LTBP2: variants seen among roughly 807,000 people sequenced by gnomAD.
LTBP2 encodes latent transforming growth factor beta binding protein 2, also known as latent-transforming growth factor beta-binding protein 2.
In LTBP2, 103 loss-of-function variants were observed where a neutral mutation model predicts 210.6. That is an observed-to-expected ratio of 0.49 (90% confidence interval 0.42 to 0.58). The LOEUF (loss-of-function observed/expected upper bound fraction) is 0.58, where lower values mean the gene tolerates loss of function less well. Ranked by LOEUF, LTBP2 falls within the 20% of genes least tolerant of loss-of-function variation. LTBP2 has a pLI of 0.00. For synonymous variants in LTBP2, 1,007 were observed against 1,015.0 expected (o/e 0.99, Z 0.15); for missense variants, 2,313 against 2,494.5 (o/e 0.93, Z 1.55).
At chr14:74,506,256 A>G in intron 27 of LTBP2, 65 bp from the exon 28 acceptor site, 12 of 1,606,736 alleles carry the variant, frequency 7.5e-6, no homozygotes, top group Non-Finnish European at 9.4e-6. Context: ...GCCCCTGACT[A>G]CAGCCCACTG....
chr14:74,586,073 G>A lies in LTBP2; in HGVS notation c.611C>T (p.Pro204Leu), dbSNP rs1416981463. The stretch of plus-strand genomic sequence containing the variant: ...ACCAGAGCGGCAGACACAGAGCTGC[G>A]GGCGGCTGCAGGAGCCCCGGTTCTG... ...PCQNRGSCSR[P>L]QLCVCRSGFR... The change falls in exon 3 of 36, where the codon CCG (proline) becomes CTG (leucine). Residue 204 changes from proline (P) to leucine (L), a missense_variant. Coordinates refer to ENST00000261978, the MANE Select transcript of LTBP2 (RefSeq NM_000428.3). This position sits in a 1 kb window ranked among gnomAD's most constrained non-coding sequence, Gnocchi z 4.6. 1.2e-5 allele frequency: 20 copies of A among 1,600,504 alleles called. No homozygotes were observed. Among genetic ancestry groups the A allele is most frequent in the Middle Eastern group, 1.7e-4 (1 of 6,054 alleles).
At chr14:74,518,944 C>T (rs2087167831) in intron 17 of LTBP2, among the ~76,000 whole-genome samples, 1 of 152,164 alleles carries the variant, frequency 6.6e-6, no homozygotes, top group Non-Finnish European at 1.5e-5. Flanking sequence ...CTCATTATCC[C>T]CTGAGGTCAG....
chr14:74,507,839 A>T, intron 25 of LTBP2, 134 bp downstream of exon 25: 2 of 1,212,124 alleles, frequency 1.7e-6, no homozygotes, highest in Non-Finnish European at 2.4e-6. Flanking sequence ...CTGAGCCCTG[A>T]GTCTCAATAC....
chr14:74,543,516 GCC>G (rs2087537856), intron 8 of LTBP2, among the ~76,000 whole-genome samples: 1 of 78,836 alleles, frequency 1.3e-5, no homozygotes, highest in Non-Finnish European at 2.8e-5. Flanking sequence ...CTGCCTGCCT[GCC>G]TGCCTGCCTT....
rs2087045918 is a variant in LTBP2 at position 74,509,767 on chromosome 14, A to G, written c.3244T>C (p.Tyr1082His). Residue 1082 changes from tyrosine to histidine, a missense_variant, in exon 21 of 36, where the codon TAC becomes CAC. Tyr to His is a moderately conservative substitution (Grantham distance 83). Around this residue, in one of 3 missense-constraint regions of LTBP2, gnomAD observed 1,867 missense variants for 1,976.9 expected, o/e 0.94. Transcript: ENST00000261978. ...SFACSACENG[Y>H]WVNEDGTACE... ...GCAGTGCCGTCTTCATTCACCCAGTACCCGTTCTCACAGGCAGAGCAGGCG... is the reference window on the plus strand; with the variant it reads ...GCAGTGCCGTCTTCATTCACCCAGTGCCCGTTCTCACAGGCAGAGCAGGCG... 1 of 1,613,804 alleles carries G rather than the reference A, an allele frequency of 6.2e-7. No individual in the cohort carries two copies. Among genetic ancestry groups the G allele is most frequent in the Admixed American group, 1.7e-5 (1 of 59,998 alleles).
At chr14:74,550,226 A>T (rs2139744596) in intron 7 of LTBP2, among the ~76,000 whole-genome samples, 1 of 152,244 alleles carries the variant, frequency 6.6e-6, no homozygotes, top group African/African-American at 2.4e-5. Flanking sequence ...GGGGCTGCAA[A>T]CCACCACCCT....
In LTBP2 at chr14:74,505,150, G is replaced by A. The variant is rs760340005; in HGVS notation, c.4202C>T (p.Thr1401Met). The stretch of plus-strand genomic sequence containing the variant: ...GGTGGGGGCCGGGGCATGGTCCCCC[G>A]TTGGGGCCTCAGACATACTCTGACC... ...AGGQSMSEAP[T>M]GDHAPAPTRM... The change falls in exon 29 of 36, where the codon ACG (threonine) becomes ATG (methionine). Residue 1401 changes from threonine (T) to methionine (M), a missense_variant. Coordinates refer to ENST00000261978, the MANE Select transcript of LTBP2 (RefSeq NM_000428.3). 2.0e-5 allele frequency: 33 copies of A among 1,613,408 alleles called. No homozygotes were observed. The highest frequency in any genetic ancestry group is 2.6e-5 in the Non-Finnish European group (31 of 1,180,018).
chr14:74,591,206 G>A (rs2088279145), intron 2 of LTBP2, among the ~76,000 whole-genome samples: 1 of 152,176 alleles, frequency 6.6e-6, no homozygotes, highest in South Asian at 2.1e-4. Flanking sequence ...GCCCTGCAGA[G>A]GGAGAAGCCC....
intron 3 of LTBP2, among the ~76,000 whole-genome samples, chr14:74,569,749 A>C (rs1237522615): frequency 6.6e-6 from 1 of 152,154 alleles, no homozygotes; most frequent in East Asian, 1.9e-4. Context: ...CACCAAACAC[A>C]CATGACCTTA....
Position 74,528,639 on chromosome 14 carries a change from G to A in LTBP2, c.2212C>T (p.Arg738Cys), listed in dbSNP as rs773189908. 7.4e-6 allele frequency: 12 copies of A among 1,613,374 alleles called. No homozygotes were observed. Among genetic ancestry groups the A allele is most frequent in the Admixed American group, 5.0e-5 (3 of 60,014 alleles). ...TCCTCGGCTTTCCTCATGGACAGGC[G>A]GATGTCGGAGCTCGCGTAGGTGTAG... ...HGYTYASSDIRLSMRKAEEEE... is the reference protein window; with the variant it reads ...HGYTYASSDICLSMRKAEEEE... The change falls in exon 12 of 36, where the codon CGC becomes TGC. Residue 738 changes from arginine to cysteine, a missense_variant. Physicochemically the swap from Arg to Cys is radical, Grantham distance 180. Around this residue, in one of 3 missense-constraint regions of LTBP2, gnomAD observed 1,867 missense variants for 1,976.9 expected, o/e 0.94. Coordinates refer to ENST00000261978, the MANE Select transcript of LTBP2 (RefSeq NM_000428.3).
At chr14:74,609,913 G>A (rs1211538784) in intron 1 of LTBP2, among the ~76,000 whole-genome samples, 1 of 152,216 alleles carries the variant, frequency 6.6e-6, no homozygotes, top group Non-Finnish European at 1.5e-5. Flanking sequence ...CACTTGCACA[G>A]ATCAGGAAAG....
At chr14:74,531,965 G>A (rs2087355686) in intron 10 of LTBP2, among the ~76,000 whole-genome samples, 1 of 152,214 alleles carries the variant, frequency 6.6e-6, no homozygotes, top group Admixed American at 6.5e-5. Context: ...ACCACAAGGG[G>A]CCACAGGATT....
intron 5 of LTBP2, 136 bp from the exon 6 acceptor site, chr14:74,552,529 G>A (rs866563716): frequency 2.5e-6 from 2 of 794,064 alleles, no homozygotes; most frequent in African/African-American, 3.4e-5. Flanking sequence ...CCCCTGAAAT[G>A]TAGGGACTTT....
chr14:74,537,274 T>G (rs1237178525), intron 8 of LTBP2, among the ~76,000 whole-genome samples: 1 of 152,104 alleles, frequency 6.6e-6, no homozygotes, highest in African/African-American at 2.4e-5. Context: ...GCAGGAGGCA[T>G]ACTTCTGATC....
chr14:74,506,002 T>G, intron 28 of LTBP2, 46 bp downstream of exon 28: 5 of 1,613,074 alleles, frequency 3.1e-6, no homozygotes, highest in Non-Finnish European at 4.2e-6. Context: ...ACACGCTCTC[T>G]GTAAACCTCT....
Position 74,506,589 on chromosome 14 carries a change from T to A in LTBP2, c.4033+109A>T, listed in dbSNP as rs2086988193. The A allele has an allele frequency of 7.8e-6, 12 of 1,537,766 alleles. No individual in the cohort carries two copies. The South Asian group carries it at 1.2e-4, about 16-fold the overall frequency. On this transcript the variant is annotated intron_variant, in intron 27 of 35. Transcript: ENST00000261978. The stretch of plus-strand genomic sequence containing the variant: ...TCTTCTTTGAAGCCTCCCTTGCCCA[T>A]GCTCTGGGGACCCGTGATGGAGCCA...
intron 5 of LTBP2, among the ~76,000 whole-genome samples, chr14:74,552,623 AC>A (rs1029890940): frequency 6.6e-6 from 1 of 152,164 alleles, no homozygotes; most frequent in Non-Finnish European, 1.5e-5. Flanking sequence ...GTTTCCCTGC[AC>A]CCCACAATAA....
chr14:74,564,512 A>G (rs1206588100), intron 3 of LTBP2, among the ~76,000 whole-genome samples: 1 of 146,476 alleles, frequency 6.8e-6, no homozygotes, highest in African/African-American at 2.5e-5. Context: ...CTTCTGCCTC[A>G]GCCTCCTGAG....
At position 74,586,110 on chromosome 14, in the gene LTBP2, C is replaced by T. The variant is rs201150991; in HGVS notation, c.574G>A (p.Glu192Lys). 5.0e-5 allele frequency: 79 copies of T among 1,593,844 alleles called. No homozygotes were observed. Among genetic ancestry groups the T allele is most frequent in the African/African-American group, 9.4e-5 (7 of 74,654 alleles). Residue 192 changes from glutamate to lysine, a missense_variant, in exon 3 of 36, where the codon GAG (glutamate) becomes AAG (lysine). Glu to Lys is a moderately conservative substitution (Grantham distance 56). Transcript: ENST00000261978. The surrounding 1 kb of genome is among the most constrained non-coding windows in gnomAD (Gnocchi z 4.6). ...STNHCIKPVCEPPCQNRGSCS... is the reference protein window; with the variant it reads ...STNHCIKPVCKPPCQNRGSCS... ...GAGCCCCGGTTCTGGCACGGCGGCT[C>T]GCAAACGGCTGAGGACACAGGGAGA...
Sources: allele counts gnomAD v4.1 joint callset (sites outside exome capture counted in the v4.1 genomes callset), GRCh38; gene constraint gnomAD v4.1.1; regional missense constraint gnomAD v4.1.1; non-coding constraint Gnocchi (gnomAD v3.1); transcripts MANE v1.5; gene names NCBI Gene and HGNC (gene_info 2026-07-23, HGNC 2026-07-21).